The following BARX2 variants were observed in gnomAD, a reference collection of about 807,000 sequenced individuals.
The protein encoded by BARX2 is BARX homeobox 2.
Under a neutral mutation model 25.5 loss-of-function variants are expected in BARX2, and 11 were observed. The ratio of observed to expected loss-of-function variants is 0.43; its 90% CI spans 0.27 to 0.71. The LOEUF is 0.71. BARX2 is among the 30% of genes least tolerant of loss of function. The pLI is 0.19. For synonymous variants in BARX2, 137 were observed against 149.5 expected (o/e 0.92, Z 0.61); for missense variants, 360 against 359.9 (o/e 1.00, Z 0.00).
At chr11:129,440,125 C>G (rs1323134017) in intron 2 of BARX2, among the ~76,000 whole-genome samples, 2 of 152,160 alleles carry the variant, frequency 1.3e-5, no homozygotes, top group Non-Finnish European at 2.9e-5. Context: ...TCCCACAGCT[C>G]TCACCCTCCT....
intron 1 of BARX2, among the ~76,000 whole-genome samples, chr11:129,401,955 CAAA>C (rs397825103): frequency 9.6e-6 from 1 of 104,712 alleles, no homozygotes. Context: ...GACTCTGTCT[CAAA>C]AAAAAAAAAA....
chr11:129,394,635 T>C (rs1349262005), intron 1 of BARX2, among the ~76,000 whole-genome samples: 1 of 152,088 alleles, frequency 6.6e-6, no homozygotes, highest in Non-Finnish European at 1.5e-5. Context: ...TAACAGCATA[T>C]GTTTTATAAA....
intron 1 of BARX2, among the ~76,000 whole-genome samples, chr11:129,427,738 G>A (rs975159073): frequency 6.6e-6 from 1 of 152,196 alleles, no homozygotes; most frequent in African/African-American, 2.4e-5. Flanking sequence ...GTTCAAGTAT[G>A]GCTGTAGCTG....
chr11:129,381,199 C>T (rs561957173), intron 1 of BARX2, among the ~76,000 whole-genome samples: 1 of 152,260 alleles, frequency 6.6e-6, no homozygotes, highest in East Asian at 1.9e-4. Context: ...TCCAAATGTC[C>T]ACTGTTCACT....
chr11:129,450,081 T>G (rs1230909121), intron 3 of BARX2, among the ~76,000 whole-genome samples: 2 of 152,136 alleles, frequency 1.3e-5, no homozygotes, highest in African/African-American at 4.8e-5. Context: ...ATTATTCCCA[T>G]TTTACAGATT....
At chr11:129,379,796 AT>A (rs34342058) in intron 1 of BARX2, among the ~76,000 whole-genome samples, 71,775 of 151,726 alleles carry the variant, frequency 0.47, 17,146 homozygotes, top group East Asian at 0.57. Context: ...TTTTATTACA[AT>A]TTTTTCTACT....
chr11:129,380,619 A>G (rs2135382497), intron 1 of BARX2, among the ~76,000 whole-genome samples: 1 of 152,340 alleles, frequency 6.6e-6, no homozygotes, highest in Non-Finnish European at 1.5e-5. Context: ...TGCCAGAGGC[A>G]CATAGGCTTT....
intron 3 of BARX2, among the ~76,000 whole-genome samples, chr11:129,450,192 A>C (rs1862379865): frequency 6.6e-6 from 1 of 152,198 alleles, no homozygotes; most frequent in African/African-American, 2.4e-5. Context: ...CAAAGCCAAA[A>C]TGCTTTTTAA....
At position 129,436,626 on chromosome 11, in the gene BARX2, T is replaced by C. The variant is rs776410621; in HGVS notation, c.188-125T>C. ...GTTACCTCTCCTTCCCCTTCCTCCA[T>C]CTGTACCTCCTTAAGAGCAGGGCCC... On this transcript the variant is annotated intron_variant, in intron 1 of 3. Coordinates refer to ENST00000281437, the MANE Select transcript of BARX2 (RefSeq NM_003658.5). This position sits in a 1 kb window ranked among gnomAD's most constrained non-coding sequence, Gnocchi z 4.5. 1.4e-4 allele frequency: 146 copies of C among 1,075,524 alleles called. No homozygotes were observed. The highest frequency in any genetic ancestry group is 1.9e-4 in the Non-Finnish European group (140 of 753,292). The allele number at this position is 1,075,524 out of a possible 1,614,324, so 66.6% of individuals were successfully genotyped here.
At position 129,390,183 on chromosome 11, in the gene BARX2, A is replaced by G. The variant is rs1323785369; in HGVS notation, c.187+13961A>G. On this transcript the variant is annotated intron_variant, in intron 1 of 3. Coordinates refer to ENST00000281437, the MANE Select transcript of BARX2 (RefSeq NM_003658.5). The surrounding 1 kb of genome is among the most constrained non-coding windows in gnomAD (Gnocchi z 4.3). ...AAAGGCATCGCCAGTGAACAGGGTG[A>G]TGCCTCTGTCCAGCCATTTATAATG... Among the ~76,000 whole-genome samples the G allele has an allele frequency of 1.3e-5, 2 of 152,196 alleles. No homozygotes were observed. Among genetic ancestry groups the G allele is most frequent in the Non-Finnish European group, 2.9e-5 (2 of 68,022 alleles).
chr11:129,429,376 T>A lies in BARX2; in HGVS notation c.188-7375T>A, dbSNP rs1862103377. 2.0e-5 allele frequency among the ~76,000 whole-genome samples: 3 copies of A among 151,744 alleles called. No homozygotes were observed. The South Asian group carries it at 6.2e-4, about 32-fold the overall frequency. On this transcript the variant is annotated intron_variant, in intron 1 of 3. Transcript: ENST00000281437. ...GGGAGACCCTGCCTCTAAAAAAAAA[T>A]TAGCAGAGTGTGGTAGCATGTGCCT...
In BARX2 at chr11:129,416,955, A is replaced by G. The variant is rs184915061; in HGVS notation, c.188-19796A>G. ...CTCGCTGTGTCACCCAGGCTGGAGT[A>G]CAGTGGCGCAATCTCAGCTCACTGC... On this transcript the variant is annotated intron_variant, in intron 1 of 3. Transcript: ENST00000281437. Among the ~76,000 whole-genome samples, 1,108 of 150,898 alleles carry G rather than the reference A, an allele frequency of 7.3e-3. 13 individuals are homozygous for G. The highest frequency in any genetic ancestry group is 0.025 in the African/African-American group (1,034 of 41,072).
At chr11:129,392,388 A>C (rs1014930768) in intron 1 of BARX2, among the ~76,000 whole-genome samples, 10 of 152,246 alleles carry the variant, frequency 6.6e-5, no homozygotes, top group Admixed American at 5.9e-4. Context: ...CACAAGTGCA[A>C]GGTCGATTAA....
At chr11:129,406,419 A>G (rs1861831127) in intron 1 of BARX2, among the ~76,000 whole-genome samples, 1 of 152,250 alleles carries the variant, frequency 6.6e-6, no homozygotes, top group African/African-American at 2.4e-5. Flanking sequence ...GCACACTCAT[A>G]TTCCCGGGCT....
chr11:129,426,034 A>G (rs1862058592), intron 1 of BARX2, among the ~76,000 whole-genome samples: 2 of 147,644 alleles, frequency 1.4e-5, no homozygotes, highest in Non-Finnish European at 3.0e-5. Flanking sequence ...GAGGTAGTTA[A>G]TGTTGCTAAG....
At chr11:129,396,375 C>T (rs1337711397) in intron 1 of BARX2, among the ~76,000 whole-genome samples, 1 of 151,372 alleles carries the variant, frequency 6.6e-6, no homozygotes, top group African/African-American at 2.4e-5. Flanking sequence ...CTGATATTGC[C>T]ACTCCTCCCC....
chr11:129,412,229 G>A (rs538002545), intron 1 of BARX2, among the ~76,000 whole-genome samples: 2 of 151,332 alleles, frequency 1.3e-5, no homozygotes, highest in African/African-American at 2.4e-5. Flanking sequence ...CCGAGATCGC[G>A]TCACTGCACT....
In BARX2 at chr11:129,376,703, A is replaced by G. The variant is rs1861508337; in HGVS notation, c.187+481A>G. ...AGGTTCTCAACAAAATCTCGAATTCACTGAGCTTTGCTTACAATGATCGCC... is the reference window on the plus strand; with the variant it reads ...AGGTTCTCAACAAAATCTCGAATTCGCTGAGCTTTGCTTACAATGATCGCC... On this transcript the variant is annotated intron_variant, in intron 1 of 3. Coordinates refer to ENST00000281437, the MANE Select transcript of BARX2 (RefSeq NM_003658.5). This position sits in a 1 kb window ranked among gnomAD's most constrained non-coding sequence, Gnocchi z 4.2. Among the ~76,000 whole-genome samples the G allele has an allele frequency of 6.6e-6, 1 of 152,214 alleles. No homozygotes were observed. The highest frequency in any genetic ancestry group is 1.5e-5 in the Non-Finnish European group (1 of 68,040).
intron 3 of BARX2, 123 bp from the exon 4 acceptor site, chr11:129,451,013 C>T (rs1256999728): frequency 2.3e-6 from 3 of 1,291,356 alleles, no homozygotes; most frequent in Admixed American, 2.3e-5. Flanking sequence ...TATATTTTGC[C>T]AAATCCTGCA....
Sources: gnomAD v4.1 joint callset for allele counts (sites outside exome capture counted in the v4.1 genomes callset) on GRCh38, gnomAD v4.1.1 for gene constraint, Gnocchi (gnomAD v3.1) non-coding constraint, MANE v1.5 for transcripts, NCBI Gene and HGNC (gene_info 2026-07-23, HGNC 2026-07-21) for gene names.